Variants in NLRP9 observed in about 807,000 individuals in gnomAD.
NLRP9 encodes NACHT, LRR and PYD domains-containing protein 9.
NLRP9 carries 88 observed loss-of-function variants against 83.1 expected under a neutral mutation model. That is an observed-to-expected ratio of 1.06 (90% CI 0.89 to 1.26). NLRP9 has a LOEUF of 1.26. NLRP9 is among the 50% of genes most tolerant of loss of function. NLRP9 has a pLI of 0.00. For synonymous variants in NLRP9, 521 were observed against 447.6 expected, an observed-to-expected ratio of 1.16 and a Z score of -2.07; for missense variants, 1,308 against 1,179.3, an observed-to-expected ratio of 1.11 and a Z score of -1.60.
rs907874543 is a variant in NLRP9, at chr19:55,718,186, C to T, written c.2160-1288G>A. 4.6e-5 allele frequency among the ~76,000 whole-genome samples: 7 copies of T among 152,268 alleles called. No homozygotes were observed. In the South Asian group the frequency reaches 6.2e-4, roughly 14 times the overall value. On this transcript the variant is annotated intron_variant, in intron 4 of 8. Coordinates refer to ENST00000332836, the MANE Select transcript of NLRP9 (RefSeq NM_176820.4). ...GATTAACCAGGGACACAATGCACTG[C>T]GGAAAGCCGCAGGGACCTCTGCCCG... is the stretch of plus-strand genomic sequence containing the variant.
At chr19:55,712,707 G>A (rs563941008) in intron 6 of NLRP9, 117 bp from the exon 7 acceptor site, 6 of 791,280 alleles carry the variant, frequency 7.6e-6, no homozygotes, top group African/African-American at 1.9e-5. Flanking sequence ...GAGATGATGA[G>A]GAGGGTGGGG....
At chr19:55,715,367 G>A in intron 5 of NLRP9, 142 bp from the exon 6 acceptor site, 1 of 711,346 alleles carries the variant, frequency 1.4e-6, no homozygotes, top group Non-Finnish European at 2.3e-6. Flanking sequence ...CTTTCCAGAT[G>A]TTCCTTGAAC....
rs1247729679 is a variant in NLRP9 at position 55,729,058 on chromosome 19, T to C, written c.1994+773A>G. ...ATCTTATTTTTCTTTTTCTTTTTTT[T>C]TTTTTTTTTTTTTTTACAAATTTAA... On this transcript the variant is annotated intron_variant, in intron 3 of 8. Transcript: ENST00000332836. 3.3e-3 allele frequency among the ~76,000 whole-genome samples: 459 copies of C among 140,398 alleles called. 4 individuals carry two copies. The highest frequency in any genetic ancestry group is 0.013 in the African/African-American group (437 of 34,808). The allele number at this position is 140,398 out of a possible 152,430, so 92.1% of individuals were successfully genotyped here.
chr19:55,718,271 T>C (rs2122297137), intron 4 of NLRP9, among the ~76,000 whole-genome samples: 1 of 152,176 alleles, frequency 6.6e-6, no homozygotes, highest in African/African-American at 2.4e-5. Context: ...TATGGCCTCA[T>C]GGGAAAGGAA....
intron 3 of NLRP9, among the ~76,000 whole-genome samples, chr19:55,726,277 C>T (rs1988400158): frequency 6.6e-6 from 1 of 152,132 alleles, no homozygotes; most frequent in South Asian, 2.1e-4. Flanking sequence ...GGAATCATCG[C>T]CATTTCAGGA....
At chr19:55,714,971 A>G in intron 6 of NLRP9, 84 bp downstream of exon 6, 1 of 1,297,050 alleles carries the variant, frequency 7.7e-7, no homozygotes, top group Non-Finnish European at 1.1e-6. Context: ...AGATGCTAGC[A>G]TATCCCTTTC....
chr19:55,733,440 C>A lies in NLRP9; in HGVS notation c.391G>T (p.Glu131Ter), dbSNP rs1476818007. The A allele has an allele frequency of 1.2e-6, 2 of 1,613,916 alleles. No individual in the cohort carries two copies. Among genetic ancestry groups the A allele is most frequent in the Non-Finnish European group, 1.7e-6 (2 of 1,179,852 alleles). The change falls in exon 2 of 9, where the codon GAG becomes TAG. Residue 131 changes from glutamate to a stop codon, truncating the protein, a stop_gained. Coordinates refer to ENST00000332836, the MANE Select transcript of NLRP9 (RefSeq NM_176820.4). LOFTEE classifies it high-confidence loss of function. ...TATGCGTCATTCAATTCTTTATACT[C>A]ATTTTTCATGGTTTCTTTGTAGAAA... ...EHFYKETMKNEYKELNDAYTA... is the reference protein window; with the variant it reads ...EHFYKETMKN
chr19:55,725,234 C>T (rs1292637813), intron 3 of NLRP9, among the ~76,000 whole-genome samples: 1 of 151,954 alleles, frequency 6.6e-6, no homozygotes, highest in Admixed American at 6.6e-5. Flanking sequence ...AATACAAAAC[C>T]AGAATATGTA....
intron 8 of NLRP9, among the ~76,000 whole-genome samples, chr19:55,711,155 C>T (rs954637018): frequency 2.6e-5 from 4 of 151,550 alleles, no homozygotes; most frequent in African/African-American, 9.7e-5. Context: ...CTTAGAGACA[C>T]TAGCATAATG....
chr19:55,714,398 C>T (rs960146085), intron 6 of NLRP9, among the ~76,000 whole-genome samples: 4 of 152,038 alleles, frequency 2.6e-5, no homozygotes, highest in Non-Finnish European at 5.9e-5. Context: ...GAGGCTCTAG[C>T]TATCCTCTCA....
rs536984110 is a variant in NLRP9, at chr19:55,709,238, G to A, written c.2844-194C>T. The A allele has an allele frequency of 7.6e-6, 3 of 396,768 alleles. No individual in the cohort carries two copies. The Admixed American group carries it at 1.4e-4, about 18-fold the overall frequency. The allele number at this position is 396,768 out of a possible 1,614,324, so 24.6% of individuals were successfully genotyped here. A position where few individuals can be genotyped will look rare whatever the true frequency, so the allele number is the denominator to read the frequency against. The stretch of plus-strand genomic sequence containing the variant: ...AAGCCTCTGATTTATACCATAAAGT[G>A]AAATTTCATATACAGGATGTATCAA... On this transcript the variant is annotated intron_variant, in intron 8 of 8. Transcript: ENST00000332836.
intron 3 of NLRP9, among the ~76,000 whole-genome samples, chr19:55,725,348 GAC>G (rs1988368126): frequency 6.6e-6 from 1 of 152,110 alleles, no homozygotes; most frequent in African/African-American, 2.4e-5. Flanking sequence ...ATAAATACAT[GAC>G]ACACAGAACT....
intron 3 of NLRP9, among the ~76,000 whole-genome samples, chr19:55,728,836 A>G (rs889311128): frequency 1.3e-5 from 2 of 152,172 alleles, no homozygotes; most frequent in Middle Eastern, 3.2e-3. Flanking sequence ...GAAAGCAGTA[A>G]GTTTGCTTAC....
At chr19:55,728,123 C>T (rs1988453985) in intron 3 of NLRP9, among the ~76,000 whole-genome samples, 1 of 152,146 alleles carries the variant, frequency 6.6e-6, no homozygotes, top group Admixed American at 6.5e-5. Context: ...TTTACTGGGG[C>T]TTGTCATATA....
intron 1 of NLRP9, among the ~76,000 whole-genome samples, chr19:55,734,665 G>A (rs1405003746): frequency 2.9e-5 from 4 of 137,962 alleles, no homozygotes; most frequent in East Asian, 4.2e-4. Context: ...ATGAACTCTC[G>A]CTCTTGTCCC....
intron 8 of NLRP9, chr19:55,709,999 TGAG>T (rs959796816): frequency 2.6e-5 from 4 of 152,250 alleles, no homozygotes; most frequent in African/African-American, 4.8e-5. Flanking sequence ...AAAAAGAAGT[TGAG>T]GAGGATTAGC....
chr19:55,714,795 G>A (rs1987942054), intron 6 of NLRP9, among the ~76,000 whole-genome samples: 1 of 152,096 alleles, frequency 6.6e-6, no homozygotes, highest in Non-Finnish European at 1.5e-5. Flanking sequence ...TTTTCTCACG[G>A]CGTCCACAGA....
intron 1 of NLRP9, among the ~76,000 whole-genome samples, chr19:55,734,459 TTTTC>T (rs1988719987): frequency 6.7e-6 from 1 of 149,880 alleles, no homozygotes; most frequent in Non-Finnish European, 1.5e-5. Context: ...ACTTTCTGCA[TTTTC>T]TTTAATTAAA....
At chr19:55,709,263 A>G (rs1987599609) in intron 8 of NLRP9, 1 of 321,484 alleles carries the variant, frequency 3.1e-6, no homozygotes. Flanking sequence ...GGATGTATCA[A>G]TTAAGATTTA....
Sources: allele counts gnomAD v4.1 joint callset (sites outside exome capture counted in the v4.1 genomes callset), GRCh38; gene constraint gnomAD v4.1.1; transcripts MANE v1.5; gene names NCBI Gene and HGNC (gene_info 2026-07-23, HGNC 2026-07-21).